The following RUBCNL variants were observed in gnomAD, a reference collection of about 807,000 sequenced individuals.
The protein encoded by RUBCNL is rubicon like autophagy enhancer, also known as protein associated with UVRAG as autophagy enhancer.
RUBCNL carries 62 observed loss-of-function variants against 69.5 expected under a neutral mutation model. The observed-to-expected ratio is 0.89, with a 90% CI of 0.73 to 1.10. RUBCNL has a LOEUF of 1.10. Ranked by LOEUF, RUBCNL falls within the 50% of genes least tolerant of loss-of-function variation. The pLI, the probability that RUBCNL is intolerant of heterozygous loss-of-function variation, is 0.00. For synonymous variants in RUBCNL, 291 were observed against 303.6 expected, an observed-to-expected ratio of 0.96 and a Z score of 0.43; for missense variants, 768 against 798.1, an observed-to-expected ratio of 0.96 and a Z score of 0.45.
intron 5 of RUBCNL, among the ~76,000 whole-genome samples, chr13:46,364,703 T>TTG (rs1156947612): frequency 6.6e-6 from 1 of 151,296 alleles, no homozygotes; most frequent in African/African-American, 2.4e-5. Flanking sequence ...ACCCTTGTTT[T>TTG]TTTTTTTTTT....
chr13:46,356,525 T>C (rs766559009), intron 9 of RUBCNL, 29 bp from the exon 10 acceptor site: 37 of 1,601,678 alleles, frequency 2.3e-5, no homozygotes, highest in Admixed American at 3.4e-5. Flanking sequence ...ACTAGTTACA[T>C]TTCAGAGAAG....
At position 46,335,894 on chromosome 13, in the gene RUBCNL, G is replaced by C. The variant is rs2048102242; in HGVS notation, c.*7491C>G. Among the ~76,000 whole-genome samples, 1 of 152,210 alleles carries C rather than the reference G, an allele frequency of 6.6e-6. No individual in the cohort carries two copies. The highest frequency in any genetic ancestry group is 1.5e-5 in the Non-Finnish European group (1 of 68,044). ...TGGGCTGCTGAGTACCAGCCTCTGG[G>C]CTGAAGCTACAAATTTAGAGTCATT... On this transcript the variant is annotated 3_prime_UTR_variant, in exon 15 of 15. Coordinates refer to ENST00000429979, the MANE Select transcript of RUBCNL (RefSeq NM_025113.5).
At chr13:46,356,321 A>C (rs1392879234) in intron 10 of RUBCNL, 111 bp downstream of exon 10, 1 of 1,036,222 alleles carries the variant, frequency 9.7e-7, no homozygotes, top group East Asian at 2.6e-5. Context: ...TGAAGCTCTT[A>C]TAACAACTTC....
At chr13:46,381,241 A>AATTCATC (rs1467472735) in intron 1 of RUBCNL, among the ~76,000 whole-genome samples, 1 of 152,218 alleles carries the variant, frequency 6.6e-6, no homozygotes, top group African/African-American at 2.4e-5. Context: ...TGAATTAACA[A>AATTCATC]AGTGTGCTAT....
chr13:46,371,219 T>C lies in RUBCNL; in HGVS notation c.535+722A>G, dbSNP rs796819334. Among the ~76,000 whole-genome samples the C allele has an allele frequency of 2.6e-4, 39 of 152,340 alleles. 1 individual carries two copies. Among genetic ancestry groups the C allele is most frequent in the African/African-American group, 9.1e-4 (38 of 41,586 alleles). Reference sequence around the variant, plus strand: ...AATTGCTTTGAAAGAAAAAGCTTCATTGATTATTTATACTAGGGTTTGAAT... The same window carrying C: ...AATTGCTTTGAAAGAAAAAGCTTCACTGATTATTTATACTAGGGTTTGAAT... On this transcript the variant is annotated intron_variant, in intron 3 of 14. Transcript: ENST00000429979.
At chr13:46,356,010 AG>A (rs770299067) in intron 10 of RUBCNL, among the ~76,000 whole-genome samples, 1 of 152,354 alleles carries the variant, frequency 6.6e-6, no homozygotes, top group Non-Finnish European at 1.5e-5. Context: ...GGGGCAAGAC[AG>A]GTATTTTAGA....
chr13:46,346,005 ATGGAC>A (rs907210047), intron 12 of RUBCNL, among the ~76,000 whole-genome samples: 9 of 152,292 alleles, frequency 5.9e-5, no homozygotes, highest in African/African-American at 2.2e-4. Context: ...TATCAGCCTT[ATGGAC>A]TGTTGGCTCA....
At chr13:46,344,572 T>C (rs1464636607) in intron 14 of RUBCNL, among the ~76,000 whole-genome samples, 169 bp downstream of exon 14, 2 of 152,220 alleles carry the variant, frequency 1.3e-5, no homozygotes, top group South Asian at 2.1e-4. Context: ...CAAAACTTCA[T>C]TATCTCCAAT....
intron 12 of RUBCNL, among the ~76,000 whole-genome samples, chr13:46,348,407 C>T (rs181569726): frequency 4.5e-4 from 69 of 152,174 alleles, no homozygotes; most frequent in Middle Eastern, 6.8e-3. Context: ...GTTGTTCATC[C>T]TCCAACTAAA....
intron 10 of RUBCNL, among the ~76,000 whole-genome samples, chr13:46,354,361 G>C (rs1362630820): frequency 6.6e-6 from 1 of 152,168 alleles, no homozygotes; most frequent in Non-Finnish European, 1.5e-5. Flanking sequence ...AGTAGAGGAA[G>C]CTGGGTGAAG....
chr13:46,378,997 G>A (rs1424102685), intron 1 of RUBCNL, among the ~76,000 whole-genome samples: 3 of 152,008 alleles, frequency 2.0e-5, no homozygotes, highest in Non-Finnish European at 2.9e-5. Flanking sequence ...CCTCTCTTTA[G>A]CTCTATTTCT....
At chr13:46,364,255 G>C (rs1017318634) in intron 5 of RUBCNL, among the ~76,000 whole-genome samples, 2 of 152,062 alleles carry the variant, frequency 1.3e-5, no homozygotes, top group African/African-American at 4.8e-5. Flanking sequence ...AAATTAGCCA[G>C]GTGTGGTGGC....
chr13:46,382,965 C>T (rs1346193342), intron 1 of RUBCNL, among the ~76,000 whole-genome samples: 2 of 152,140 alleles, frequency 1.3e-5, no homozygotes, highest in South Asian at 2.1e-4. Context: ...AATATATATA[C>T]AGAAGTATTT....
chr13:46,340,281 C>T lies in RUBCNL; in HGVS notation c.*3104G>A, dbSNP rs1020831181. Among the ~76,000 whole-genome samples, 6 of 152,248 alleles carry T rather than the reference C, an allele frequency of 3.9e-5. No homozygotes were observed. Among genetic ancestry groups the T allele is most frequent in the Middle Eastern group, 3.4e-3 (1 of 294 alleles). On this transcript the variant is annotated 3_prime_UTR_variant, in exon 15 of 15. Coordinates refer to ENST00000429979, the MANE Select transcript of RUBCNL (RefSeq NM_025113.5). The stretch of plus-strand genomic sequence containing the variant: ...ATTCTTTCATGGGACACAATTCAAC[C>T]CACAACAGTAGCTATTGTTCTAATC...
At chr13:46,357,758 T>C (rs1427087867) in intron 9 of RUBCNL, among the ~76,000 whole-genome samples, 1 of 151,718 alleles carries the variant, frequency 6.6e-6, no homozygotes, top group Admixed American at 6.6e-5. Context: ...GCCTCCCAAG[T>C]AGCTAGGACC....
chr13:46,335,605 T>C lies in RUBCNL; in HGVS notation c.*7780A>G, dbSNP rs2048100723. Among the ~76,000 whole-genome samples, 1 of 152,188 alleles carries C rather than the reference T, an allele frequency of 6.6e-6. No homozygotes were observed. The highest frequency in any genetic ancestry group is 2.1e-4 in the South Asian group (1 of 4,836). On this transcript the variant is annotated 3_prime_UTR_variant, in exon 15 of 15. Transcript: ENST00000429979. ...CTCAACAATTATAAAATAGCAGCAA[T>C]GCTACGTAGTTCAATCTAATAGAAG...
intron 7 of RUBCNL, 56 bp from the exon 8 acceptor site, chr13:46,361,629 G>A (rs2048613142): frequency 5.2e-6 from 8 of 1,535,030 alleles, no homozygotes; most frequent in Non-Finnish European, 6.2e-6. Context: ...AGTATGTTCA[G>A]GGTCTTCCTG....
chr13:46,351,956 GTA>G, intron 10 of RUBCNL, among the ~76,000 whole-genome samples: 1 of 150,784 alleles, frequency 6.6e-6, no homozygotes, highest in East Asian at 2.0e-4. Context: ...AGCCTCCCCG[GTA>G]GTTGGGACTA....
At chr13:46,373,485 C>A (rs977657586) in intron 2 of RUBCNL, among the ~76,000 whole-genome samples, 1 of 152,198 alleles carries the variant, frequency 6.6e-6, no homozygotes, top group Non-Finnish European at 1.5e-5. Context: ...ATCTTTAAAA[C>A]CCACTCACTT....
Sources: allele counts gnomAD v4.1 joint callset (sites outside exome capture counted in the v4.1 genomes callset), GRCh38; gene constraint gnomAD v4.1.1; transcripts MANE v1.5; gene names NCBI Gene and HGNC (gene_info 2026-07-23, HGNC 2026-07-21).